RALY: variants seen among roughly 807,000 people sequenced by gnomAD.
RALY encodes RALY heterogeneous nuclear ribonucleoprotein, also known as RNA-binding protein Raly.
In RALY, 15 loss-of-function variants were observed where a neutral mutation model predicts 30.7. The ratio of observed to expected loss-of-function variants is 0.49; its 90% CI spans 0.33 to 0.75. The LOEUF is 0.75. RALY is among the 30% of genes least tolerant of loss of function. RALY has a pLI of 0.02. For missense variants in RALY, 339 were observed against 414.3 expected (o/e 0.82, Z 1.58); for synonymous variants, 177 against 170.8 (o/e 1.04, Z -0.28).
At chr20:34,020,098 G>A (rs2031763106) in intron 1 of RALY, among the ~76,000 whole-genome samples, 1 of 152,172 alleles carries the variant, frequency 6.6e-6, no homozygotes, top group South Asian at 2.1e-4. Flanking sequence ...TGTGTACCAG[G>A]TTCTGAAAAT....
At chr20:34,053,429 G>A (rs571933096) in intron 2 of RALY, among the ~76,000 whole-genome samples, 104 of 105,920 alleles carry the variant, frequency 9.8e-4, no homozygotes, top group African/African-American at 3.8e-3. Flanking sequence ...ACAAGGCCTC[G>A]CTGTGTCACC....
At chr20:33,998,792 A>G (rs1051409794) in intron 1 of RALY, among the ~76,000 whole-genome samples, 1 of 152,108 alleles carries the variant, frequency 6.6e-6, no homozygotes, top group Non-Finnish European at 1.5e-5. Context: ...GGTGTTTCAA[A>G]TGAAGGTTGT....
chr20:34,018,644 T>G (rs2031698288), intron 1 of RALY, among the ~76,000 whole-genome samples: 1 of 151,864 alleles, frequency 6.6e-6, no homozygotes, highest in African/African-American at 2.4e-5. Context: ...GGAATGTTGT[T>G]CTGTTCTGGG....
At chr20:33,996,208 G>C (rs1415573043) in intron 1 of RALY, among the ~76,000 whole-genome samples, 2 of 152,210 alleles carry the variant, frequency 1.3e-5, no homozygotes, top group Non-Finnish European at 2.9e-5. Context: ...ATGACAGAAT[G>C]AGTAAGTAGT....
chr20:34,030,419 A>G (rs775129589), intron 1 of RALY, among the ~76,000 whole-genome samples: 10 of 152,374 alleles, frequency 6.6e-5, no homozygotes, highest in Middle Eastern at 3.4e-3. Flanking sequence ...AGTCTGCTCT[A>G]TTCCATTCCA....
At chr20:34,026,250 ACAAG>A (rs1765167760) in intron 1 of RALY, among the ~76,000 whole-genome samples, 1 of 152,030 alleles carries the variant, frequency 6.6e-6, no homozygotes, top group African/African-American at 2.4e-5. Context: ...TGGAGTTTGG[ACAAG>A]CAAACTCCCT....
chr20:34,053,383 ATTTTTTTTTTTTT>A lies in RALY; in HGVS notation c.-9-18663_-9-18651del, dbSNP rs60912814. 3.1e-4 allele frequency among the ~76,000 whole-genome samples: 17 copies of A among 54,100 alleles called. 1 individual carries two copies. Among genetic ancestry groups the A allele is most frequent in the Admixed American group, 1.5e-3 (5 of 3,296 alleles). The allele number at this position is 54,100 out of a possible 152,430, so 35.5% of individuals were successfully genotyped here. ...GCCAACATTTAGTAGATGTTCAATA[ATTTTTTTTTTTTT>A]TTTTTTTTTTTTTTTTTTTGAGACA... On this transcript the variant is annotated intron_variant, in intron 2 of 9. Transcript: ENST00000246194.
At chr20:34,050,454 T>C (rs1601472526) in intron 2 of RALY, among the ~76,000 whole-genome samples, 1 of 152,328 alleles carries the variant, frequency 6.6e-6, no homozygotes, top group East Asian at 1.9e-4. Flanking sequence ...AAAAATGCTT[T>C]GCTGTTGTTT....
chr20:34,070,966 G>C (rs2033709190), intron 2 of RALY, among the ~76,000 whole-genome samples: 1 of 152,196 alleles, frequency 6.6e-6, no homozygotes, highest in African/African-American at 2.4e-5. Context: ...AGGCGACGGG[G>C]AAGTAGACAC....
chr20:34,076,308 A>G (rs2033876025), intron 6 of RALY: 2 of 537,096 alleles, frequency 3.7e-6, no homozygotes, highest in South Asian at 4.4e-5. Flanking sequence ...GGATAAGGAC[A>G]GGTCTACCCA....
chr20:34,068,763 T>C (rs2033647584), intron 2 of RALY, among the ~76,000 whole-genome samples: 1 of 152,226 alleles, frequency 6.6e-6, no homozygotes, highest in African/African-American at 2.4e-5. Context: ...CTAGCCTGGC[T>C]CTACCTCCTT....
Position 33,999,295 on chromosome 20 carries a change from A to G in RALY, c.-93+5164A>G, listed in dbSNP as rs2030799659. On this transcript the variant is annotated intron_variant, in intron 1 of 9. Coordinates refer to ENST00000246194, the MANE Select transcript of RALY (RefSeq NM_016732.3). ...GGACACAGGAGAAGAAGGAGCACGT[A>G]AGGGAGGGGGTAGGGTTTCTTATGC... Among the ~76,000 whole-genome samples the G allele has an allele frequency of 2.0e-5, 3 of 152,108 alleles. No homozygotes were observed. In the South Asian group the frequency reaches 6.2e-4, roughly 31 times the overall value.
At chr20:33,998,412 G>A (rs1000503436) in intron 1 of RALY, among the ~76,000 whole-genome samples, 5 of 152,230 alleles carry the variant, frequency 3.3e-5, no homozygotes, top group African/African-American at 7.2e-5. Context: ...AGAAGGAACA[G>A]TAAGTTCAGA....
intron 2 of RALY, among the ~76,000 whole-genome samples, chr20:34,064,361 G>C (rs2033506007): frequency 6.6e-6 from 1 of 152,124 alleles, no homozygotes. Flanking sequence ...GATAACTGAG[G>C]CCTGCCTTCT....
chr20:34,074,673 T>C (rs1265184259), intron 5 of RALY, among the ~76,000 whole-genome samples: 1 of 152,194 alleles, frequency 6.6e-6, no homozygotes, highest in Non-Finnish European at 1.5e-5. Flanking sequence ...TTATGTGATC[T>C]TGGGCAAATT....
intron 1 of RALY, among the ~76,000 whole-genome samples, chr20:34,015,847 A>G (rs184266691): frequency 9.9e-5 from 15 of 150,794 alleles, no homozygotes; most frequent in East Asian, 5.8e-4. Context: ...CAACATGTGC[A>G]CACACACACA....
At chr20:34,048,946 A>G (rs959088265) in intron 2 of RALY, among the ~76,000 whole-genome samples, 3 of 151,912 alleles carry the variant, frequency 2.0e-5, no homozygotes, top group Non-Finnish European at 2.9e-5. Flanking sequence ...CTTTTAACAC[A>G]TTCTGTGTGC....
rs78409153 is a variant in RALY, at chr20:34,064,421, T to C, written c.-9-7645T>C. Among the ~76,000 whole-genome samples, 4 of 152,306 alleles carry C rather than the reference T, an allele frequency of 2.6e-5. No individual in the cohort carries two copies. The East Asian group carries it at 7.7e-4, about 29-fold the overall frequency. The stretch of plus-strand genomic sequence containing the variant: ...AGGGCCCATTAGATATGGATACCAA[T>C]GTCAGTAGTATAGGACCGCGCAGTA... On this transcript the variant is annotated intron_variant, in intron 2 of 9. Coordinates refer to ENST00000246194, the MANE Select transcript of RALY (RefSeq NM_016732.3).
chr20:34,066,513 G>A (rs946178828), intron 2 of RALY, among the ~76,000 whole-genome samples: 1 of 152,096 alleles, frequency 6.6e-6, no homozygotes, highest in African/African-American at 2.4e-5. Context: ...TCTTTTCACT[G>A]TGTTCGCACA....
Sources: allele counts gnomAD v4.1 joint callset (sites outside exome capture counted in the v4.1 genomes callset), GRCh38; gene constraint gnomAD v4.1.1; transcripts MANE v1.5; gene names NCBI Gene and HGNC (gene_info 2026-07-23, HGNC 2026-07-21).